RFX6: variants seen among roughly 807,000 people sequenced by gnomAD.
RFX6 encodes regulatory factor X6, also known as DNA-binding protein RFX6.
In RFX6, 50 loss-of-function variants were observed where a neutral mutation model predicts 110.8. That is an observed-to-expected ratio of 0.45 (90% CI 0.36 to 0.57). The LOEUF is 0.57. Ranked by LOEUF, RFX6 falls within the 20% of genes least tolerant of loss-of-function variation. The probability of loss-of-function intolerance (pLI) is 0.00; values close to 1 mark genes in which losing one functional copy is unlikely to be tolerated. For missense variants in RFX6, 990 were observed against 1,127.0 expected, an observed-to-expected ratio of 0.88 and a Z score of 1.74; for synonymous variants, 383 against 411.2, an observed-to-expected ratio of 0.93 and a Z score of 0.83.
At chr6:116,922,645 C>T (rs1044000365) in intron 13 of RFX6, among the ~76,000 whole-genome samples, 6 of 152,096 alleles carry the variant, frequency 3.9e-5, no homozygotes, top group Non-Finnish European at 7.4e-5. Flanking sequence ...ACAAATATAT[C>T]CATCACTAGT....
In RFX6 at chr6:116,927,246, A is replaced by C; in HGVS notation, c.2105A>C (p.Asn702Thr). ...ANHDFYSTSS[N>T]YQTVFRAQPH... ...CATGACTTTTATAGCACCAGCTCTA[A>C]CTACCAGACTGTGTTTAGGGCACAG... Residue 702 changes from asparagine to threonine, a missense_variant, in exon 17 of 19, where the codon AAC becomes ACC. Physicochemically the swap from Asn to Thr is moderately conservative, Grantham distance 65. This residue lies in a region of RFX6 where 438 missense variants were observed against 441.9 expected (regional missense o/e 0.99). Transcript: ENST00000332958. The C allele has an allele frequency of 6.2e-7, 1 of 1,614,180 alleles. No individual in the cohort carries two copies. The highest frequency in any genetic ancestry group is 8.5e-7 in the Non-Finnish European group (1 of 1,180,026).
intron 7 of RFX6, among the ~76,000 whole-genome samples, chr6:116,913,826 A>G (rs1775407337): frequency 6.6e-6 from 1 of 152,172 alleles, no homozygotes; most frequent in East Asian, 1.9e-4. Flanking sequence ...ATAGATGTAC[A>G]TATTTTGGGG....
chr6:116,895,238 C>A, intron 6 of RFX6, 31 bp downstream of exon 6: 1 of 1,222,630 alleles, frequency 8.2e-7, no homozygotes, highest in Non-Finnish European at 1.2e-6. Flanking sequence ...TATTTTACAT[C>A]TGCTATAATA....
intron 6 of RFX6, among the ~76,000 whole-genome samples, chr6:116,895,645 TACACAC>T (rs146991192): frequency 1.6e-4 from 23 of 147,928 alleles, no homozygotes; most frequent in South Asian, 6.5e-4. Flanking sequence ...CTACTTTGTG[TACACAC>T]ACACACACAC....
rs546424031 is a variant in RFX6, at chr6:116,913,444, C to T, written c.780+2402C>T. On this transcript the variant is annotated intron_variant, in intron 7 of 18. Coordinates refer to ENST00000332958, the MANE Select transcript of RFX6 (RefSeq NM_173560.4). ...AGTGAGGGTACTGAGAAGCTGGGGG[C>T]CTGCTACTCATAGTGTCTCTCGAGG... is the stretch of plus-strand genomic sequence containing the variant. Among the ~76,000 whole-genome samples the T allele has an allele frequency of 3.3e-5, 5 of 152,274 alleles. No homozygotes were observed. The South Asian group carries it at 1.0e-3, about 32-fold the overall frequency.
In RFX6 at chr6:116,916,261, G is replaced by A. The variant is rs767918169; in HGVS notation, c.919G>A (p.Glu307Lys). Residue 307 changes from glutamate to lysine, a missense_variant, in exon 9 of 19, where the codon GAA (glutamate) becomes AAA (lysine). By Grantham distance (56) the Glu-to-Lys change is moderately conservative (BLOSUM62 1). This residue lies in a region of RFX6 where 243 missense variants were observed against 353.1 expected (regional missense o/e 0.69). Transcript: ENST00000332958. ...GMPDHLLPLL[E>K]NPVIIDIFCV... Reference sequence around the variant, plus strand: ...GCCTGACCATCTCCTTCCCCTGCTCGAAAATCCTGTTATCATTGATATTTT... The same window carrying A: ...GCCTGACCATCTCCTTCCCCTGCTCAAAAATCCTGTTATCATTGATATTTT... 1.2e-5 allele frequency: 19 copies of A among 1,611,882 alleles called. No homozygotes were observed. Among genetic ancestry groups the A allele is most frequent in the South Asian group, 7.7e-5 (7 of 91,036 alleles).
intron 14 of RFX6, 105 bp from the exon 15 acceptor site, chr6:116,924,564 C>T (rs533741607): frequency 9.6e-6 from 10 of 1,044,416 alleles, no homozygotes; most frequent in Admixed American, 6.9e-5. Flanking sequence ...TAAAGTGTTG[C>T]GAGATGGTCA....
Position 116,911,036 on chromosome 6 carries a change from G to C in RFX6, c.774G>C (p.Lys258Asn), listed in dbSNP as rs764181540. 1.9e-6 allele frequency: 3 copies of C among 1,593,700 alleles called. No individual in the cohort carries two copies. Among genetic ancestry groups the C allele is most frequent in the Non-Finnish European group, 2.6e-6 (3 of 1,161,558 alleles). ...QHLVYQGCIS[K>N]DKVDTLIMMY... ...TTGTATACCAAGGATGCATTTCTAA[G>C]GACAAGGTATCAATTACAGATACTT... The change falls in exon 7 of 19, where the codon AAG (lysine) becomes AAC (asparagine). Residue 258 changes from lysine (K) to asparagine (N), a missense_variant. Physicochemically the swap from Lys to Asn is moderately conservative, Grantham distance 94 (BLOSUM62 0). This residue lies in a region of RFX6 where 243 missense variants were observed against 353.1 expected (regional missense o/e 0.69). Coordinates refer to ENST00000332958, the MANE Select transcript of RFX6 (RefSeq NM_173560.4).
chr6:116,920,510 C>T lies in RFX6; in HGVS notation c.1327+56C>T, dbSNP rs558749753. ...TTTTCTAAGCTCAGAAAATTGACAT[C>T]TTGAGCTGGGTAACTCTGTTGGAGG... On this transcript the variant is annotated intron_variant, in intron 12 of 18. Coordinates refer to ENST00000332958, the MANE Select transcript of RFX6 (RefSeq NM_173560.4). 717 of 1,464,866 alleles carry T rather than the reference C, an allele frequency of 4.9e-4. 3 individuals are homozygous for T. In the African/African-American group the frequency reaches 8.2e-3, roughly 17 times the overall value. 90.7% of individuals were successfully genotyped at this position (1,464,866 alleles called of 1,614,324 possible).
chr6:116,880,716 G>A, intron 3 of RFX6, 49 bp downstream of exon 3: 1 of 1,597,622 alleles, frequency 6.3e-7, no homozygotes, highest in Non-Finnish European at 8.6e-7. Flanking sequence ...AGTCATGTCA[G>A]GCAGATAGCA....
intron 6 of RFX6, among the ~76,000 whole-genome samples, chr6:116,904,082 G>C (rs900925838): frequency 6.6e-6 from 1 of 151,898 alleles, no homozygotes; most frequent in African/African-American, 2.4e-5. Context: ...TTTAGTTTTT[G>C]CCAGTCTTGT....
rs779466305 is a variant in RFX6 at position 116,931,296 on chromosome 6, C to G, written c.2612-35C>G. The G allele has an allele frequency of 5.3e-6, 8 of 1,514,956 alleles. No individual in the cohort carries two copies. The African/African-American group carries it at 1.1e-4, about 21-fold the overall frequency. The allele number at this position is 1,514,956 out of a possible 1,614,324, so 93.8% of individuals were successfully genotyped here. On this transcript the variant is annotated intron_variant, in intron 18 of 18. Transcript: ENST00000332958. ...TTTGCAGAGAAAAGAAAATGTCAAT[C>G]AATTTTCAATTGCTGATTATATTTT...
At chr6:116,893,512 G>A (rs339337) in intron 4 of RFX6, among the ~76,000 whole-genome samples, 123,539 of 152,196 alleles carry the variant, frequency 0.81, 50,363 homozygotes, top group East Asian at 0.89. Context: ...TTGATTCCTC[G>A]TGAGGAAAAT....
chr6:116,916,357 T>C (rs1775463176), intron 9 of RFX6, 43 bp downstream of exon 9: 1 of 1,094,892 alleles, frequency 9.1e-7, no homozygotes, highest in African/African-American at 1.5e-5. Context: ...ATTTATTTCT[T>C]TACGTAGCAT....
At chr6:116,880,458 A>G in intron 2 of RFX6, 86 bp from the exon 3 acceptor site, 2 of 1,197,196 alleles carry the variant, frequency 1.7e-6, no homozygotes, top group African/African-American at 1.5e-5. Context: ...TATAGAGTCC[A>G]TATTCAAAAT....
chr6:116,910,933 A>G lies in RFX6; in HGVS notation c.673-2A>G. ...ATTTGTTTTCATTTTTCTAAATTATAGGGTGGCTTCACTCGTAAATATTCG... is the reference window on the plus strand; with the variant it reads ...ATTTGTTTTCATTTTTCTAAATTATGGGGTGGCTTCACTCGTAAATATTCG... On this transcript the variant is annotated splice_acceptor_variant, in intron 6 of 18. Transcript: ENST00000332958. LOFTEE classifies it high-confidence loss of function. The G allele has an allele frequency of 6.2e-7, 1 of 1,604,506 alleles. No individual in the cohort carries two copies.
chr6:116,901,704 C>G (rs752582222), intron 6 of RFX6, among the ~76,000 whole-genome samples: 7 of 152,134 alleles, frequency 4.6e-5, no homozygotes, highest in Non-Finnish European at 8.8e-5. Context: ...GTGATTGTCT[C>G]ACATATATTA....
intron 7 of RFX6, among the ~76,000 whole-genome samples, chr6:116,912,343 G>GA (rs149151286): frequency 0.037 from 5,470 of 147,644 alleles, 326 homozygotes; most frequent in African/African-American, 0.13. Context: ...ATACAAGTTG[G>GA]AAAAAAAAAA....
chr6:116,916,812 T>C (rs977889629), intron 9 of RFX6, among the ~76,000 whole-genome samples: 2 of 152,096 alleles, frequency 1.3e-5, no homozygotes, highest in African/African-American at 4.8e-5. Context: ...ACATCCTAAA[T>C]AAGGACAAAC....
Sources: gnomAD v4.1 joint callset for allele counts (sites outside exome capture counted in the v4.1 genomes callset) on GRCh38, gnomAD v4.1.1 for gene constraint, gnomAD v4.1.1 regional missense constraint, MANE v1.5 for transcripts, NCBI Gene and HGNC (gene_info 2026-07-23, HGNC 2026-07-21) for gene names.